Variants in SDHAF2 observed in about 807,000 individuals in gnomAD.
SDHAF2 encodes the protein succinate dehydrogenase assembly factor 2, mitochondrial.
Under a neutral mutation model 18.5 loss-of-function variants are expected in SDHAF2, and 21 were observed. That is an observed-to-expected ratio of 1.13 (90% confidence interval 0.80 to 1.63). SDHAF2 has a LOEUF of 1.63. Among genes scored for constraint, SDHAF2 ranks in the 40% most tolerant of loss-of-function variants. The pLI is 0.00. For synonymous variants in SDHAF2, 84 were observed against 70.7 expected, an observed-to-expected ratio of 1.19 and a Z score of -0.94; for missense variants, 195 against 200.3, an observed-to-expected ratio of 0.97 and a Z score of 0.16.
chr11:61,445,362 T>TA (rs1470308181), intron 3 of SDHAF2, among the ~76,000 whole-genome samples: 1 of 152,210 alleles, frequency 6.6e-6, no homozygotes, highest in Non-Finnish European at 1.5e-5. Context: ...ATCTGGTTCT[T>TA]TAGGCTCATG....
chr11:61,443,778 A>ATT (rs879317356), intron 3 of SDHAF2, among the ~76,000 whole-genome samples: 2 of 145,222 alleles, frequency 1.4e-5, no homozygotes, highest in Non-Finnish European at 1.5e-5. Flanking sequence ...CACCTGGCTA[A>ATT]TTTTTTTTTT....
intron 1 of SDHAF2, chr11:61,432,632 CTCTG>C (rs1411168870): frequency 1.3e-5 from 2 of 151,824 alleles, no homozygotes; most frequent in African/African-American, 2.4e-5. Context: ...GTAAACTGTT[CTCTG>C]TCTTACAACC....
chr11:61,432,382 T>C (rs575409320), intron 1 of SDHAF2: 2 of 152,124 alleles, frequency 1.3e-5, no homozygotes, highest in Admixed American at 1.3e-4. Context: ...TATTTGCATA[T>C]AATCTACACA....
intron 3 of SDHAF2, among the ~76,000 whole-genome samples, chr11:61,444,863 G>T (rs947926073): frequency 1.3e-5 from 2 of 152,172 alleles, no homozygotes; most frequent in African/African-American, 4.8e-5. Flanking sequence ...TCCTTTGAAG[G>T]GCCTCTTTTT....
intron 3 of SDHAF2, among the ~76,000 whole-genome samples, chr11:61,443,862 C>T (rs1342541134): frequency 6.6e-6 from 1 of 152,170 alleles, no homozygotes; most frequent in Non-Finnish European, 1.5e-5. Flanking sequence ...CAAGCTCTGC[C>T]TCTTGGGTTC....
chr11:61,446,268 G>A lies in SDHAF2; in HGVS notation c.*197G>A, dbSNP rs1862137144. The A allele has an allele frequency of 2.3e-5, 15 of 665,700 alleles. No homozygotes were observed. In the South Asian group the frequency reaches 2.4e-4, roughly 11 times the overall value. The allele number at this position is 665,700 out of a possible 1,614,324, so 41.2% of individuals were successfully genotyped here. On this transcript the variant is annotated 3_prime_UTR_variant, in exon 4 of 4. Coordinates refer to ENST00000301761, the MANE Select transcript of SDHAF2 (RefSeq NM_017841.4). ...ATGTGACTCATTCTCATACTTTTTT[G>A]TTCAGCTCTGAGCCTCAAAAGTGAT...
At chr11:61,443,012 C>G (rs1403525349) in intron 3 of SDHAF2, among the ~76,000 whole-genome samples, 2 of 152,214 alleles carry the variant, frequency 1.3e-5, no homozygotes, top group Non-Finnish European at 2.9e-5. Flanking sequence ...GCCTCAGTCC[C>G]TTAAAGTGTT....
At chr11:61,430,710 C>T (rs1403706524) in intron 1 of SDHAF2, 1 of 167,878 alleles carries the variant, frequency 6.0e-6, no homozygotes, top group East Asian at 1.7e-4. Context: ...AGCATCTTGA[C>T]ATATACAGTA....
rs140992305 is a variant in SDHAF2, at chr11:61,440,998, TG to T, written c.370+2888del. ...AAAGGATCTCTTGAGGCCAGGAGTT[TG>T]GGACCAGCCTGGGCAACATAGACCC... On this transcript the variant is annotated intron_variant, in intron 3 of 3. Coordinates refer to ENST00000301761, the MANE Select transcript of SDHAF2 (RefSeq NM_017841.4). Among the ~76,000 whole-genome samples, 78 of 152,162 alleles carry T rather than the reference TG, an allele frequency of 5.1e-4. 2 individuals are homozygous for T. The East Asian group carries it at 0.014, about 26-fold the overall frequency.
rs191513932 is a variant in SDHAF2, at chr11:61,437,651, A to G, written c.63A>G (p.Leu21=). Residue 21 remains leucine, a synonymous_variant, in exon 2 of 4, where the codon CTA becomes CTG. Coordinates refer to ENST00000301761, the MANE Select transcript of SDHAF2 (RefSeq NM_017841.4). ...TGCTTGCTCTGTCAAGGCACAGCCTATTGTCTCCTTTGCTCAGTGTGACAT... is the reference window on the plus strand; with the variant it reads ...TGCTTGCTCTGTCAAGGCACAGCCTGTTGTCTCCTTTGCTCAGTGTGACAT... The part of the protein sequence containing the change: ...SLMLALSRHS[L]LSPLLSVTSF... 535 of 1,614,168 alleles carry G rather than the reference A, an allele frequency of 3.3e-4. 2 individuals carry two copies. In the East Asian group the frequency reaches 0.011, roughly 32 times the overall value.
Position 61,438,043 on chromosome 11 carries a change from G to T in SDHAF2, c.300G>T (p.Lys100Asn). The change falls in exon 3 of 4, where the codon AAG becomes AAT. Residue 100 changes from lysine to asparagine, a missense_variant. Physicochemically the swap from Lys to Asn is moderately conservative, Grantham distance 94 (BLOSUM62 0). Coordinates refer to ENST00000301761, the MANE Select transcript of SDHAF2 (RefSeq NM_017841.4). ...AKEHLQHMTE[K>N]QLNLYDRLIN... ...AACATCTGCAGCACATGACAGAAAA[G>T]CAGCTGAACCTCTATGACCGCCTGA... 6.2e-7 allele frequency: 1 copy of T among 1,614,064 alleles called. No individual in the cohort carries two copies.
chr11:61,446,072 G>A lies in SDHAF2; in HGVS notation c.*1G>A. On this transcript the variant is annotated 3_prime_UTR_variant, in exon 4 of 4. Transcript: ENST00000301761. ...GTACCTCTTTGAAAAGCCACGTTGA[G>A]CTGTGCTCCACGGCCTGGCATGGGG... The A allele has an allele frequency of 6.2e-7, 1 of 1,614,220 alleles. No homozygotes were observed. Among genetic ancestry groups the A allele is most frequent in the South Asian group, 1.1e-5 (1 of 91,086 alleles).
rs1412549330 is a variant in SDHAF2 at position 61,438,027 on chromosome 11, A to G, written c.284A>G (p.Gln95Arg). 2 of 1,614,024 alleles carry G rather than the reference A, an allele frequency of 1.2e-6. No homozygotes were observed. The change falls in exon 3 of 4, where the codon CAG (glutamine) becomes CGG (arginine). Residue 95 changes from glutamine to arginine, a missense_variant. By Grantham distance (43) the Gln-to-Arg change is conservative (BLOSUM62 1). Coordinates refer to ENST00000301761, the MANE Select transcript of SDHAF2 (RefSeq NM_017841.4). ...AGTCTTTTTGCTAAAGAACATCTGC[A>G]GCACATGACAGAAAAGCAGCTGAAC... The part of the protein sequence containing the change: ...LLSLFAKEHL[Q>R]HMTEKQLNLY...
intron 3 of SDHAF2, among the ~76,000 whole-genome samples, chr11:61,442,873 G>A (rs1454078749): frequency 6.6e-6 from 1 of 152,084 alleles, no homozygotes; most frequent in Non-Finnish European, 1.5e-5. Context: ...TGTGCCTCAG[G>A]CTCCTGAGCA....
At chr11:61,439,618 CA>C (rs901876939) in intron 3 of SDHAF2, among the ~76,000 whole-genome samples, 1 of 152,160 alleles carries the variant, frequency 6.6e-6, no homozygotes, top group Non-Finnish European at 1.5e-5. Flanking sequence ...CTATGGGTTC[CA>C]GGTATGAAGA....
intron 3 of SDHAF2, among the ~76,000 whole-genome samples, chr11:61,440,429 G>A (rs796654468): frequency 7.2e-5 from 11 of 152,036 alleles, no homozygotes; most frequent in South Asian, 4.1e-4. Context: ...GTGAAACCCC[G>A]TTTCTACTAA....
chr11:61,436,759 A>G (rs533200634), intron 1 of SDHAF2: 17 of 636,720 alleles, frequency 2.7e-5, no homozygotes, highest in Non-Finnish European at 3.8e-5. Flanking sequence ...GATTTCTCAC[A>G]GGGAATTGGT....
chr11:61,436,690 G>A (rs1861998115), intron 1 of SDHAF2: 2 of 382,762 alleles, frequency 5.2e-6, no homozygotes, highest in South Asian at 3.9e-5. Flanking sequence ...TTTTCTGCTG[G>A]ATTCGATGCA....
chr11:61,434,173 T>A (rs1055810655), intron 1 of SDHAF2: 49 of 148,426 alleles, frequency 3.3e-4, no homozygotes, highest in African/African-American at 1.2e-3. Context: ...ACTTTGGGGG[T>A]TTTTAGCCAT....
Sources: allele counts gnomAD v4.1 joint callset (sites outside exome capture counted in the v4.1 genomes callset), GRCh38; gene constraint gnomAD v4.1.1; transcripts MANE v1.5; gene names NCBI Gene and HGNC (gene_info 2026-07-23, HGNC 2026-07-21).